MRC1: variants seen among roughly 807,000 people sequenced by gnomAD.
MRC1 encodes macrophage mannose receptor 1.
MRC1 carries 62 observed loss-of-function variants against 102.9 expected under a neutral mutation model. The ratio of observed to expected loss-of-function variants is 0.60; its 90% confidence interval spans 0.49 to 0.74. The LOEUF is 0.74. MRC1 is among the 30% of genes least tolerant of loss of function. The probability of loss-of-function intolerance (pLI) is 0.00; values close to 1 mark genes in which losing one functional copy is unlikely to be tolerated. For missense variants in MRC1, 1,237 were observed against 862.8 expected, an observed-to-expected ratio of 1.43 and a Z score of -5.43; for synonymous variants, 457 against 298.4, an observed-to-expected ratio of 1.53 and a Z score of -5.48.
At chr10:17,810,077 C>T (rs1838200164) in intron 1 of MRC1, among the ~76,000 whole-genome samples, 1 of 152,000 alleles carries the variant, frequency 6.6e-6, no homozygotes, top group Non-Finnish European at 1.5e-5. Context: ...GAAAGTTCAT[C>T]CTTATCTGTA....
intron 11 of MRC1, among the ~76,000 whole-genome samples, chr10:17,864,038 G>A (rs1201268720): frequency 6.6e-6 from 1 of 151,834 alleles, no homozygotes; most frequent in Non-Finnish European, 1.5e-5. Context: ...AGCCTCACTC[G>A]GTTGCCCAGG....
At chr10:17,822,181 A>G (rs913736409) in intron 1 of MRC1, among the ~76,000 whole-genome samples, 10 of 152,232 alleles carry the variant, frequency 6.6e-5, no homozygotes, top group African/African-American at 2.4e-4. Flanking sequence ...CCAAATTACA[A>G]ATATAAAAAA....
At chr10:17,826,830 G>A (rs888803739) in intron 2 of MRC1, among the ~76,000 whole-genome samples, 1 of 152,162 alleles carries the variant, frequency 6.6e-6, no homozygotes, top group Non-Finnish European at 1.5e-5. Context: ...ATTGTAGATG[G>A]TATATAACAG....
Position 17,813,695 on chromosome 10 carries a change from TA to T in MRC1, c.61+4170del, listed in dbSNP as rs1838261564. ...CACACACACACATTATATATATATA[TA>T]TATATTTTTTTTTTTTTTTGAGACA... On this transcript the variant is annotated intron_variant, in intron 1 of 29. Coordinates refer to ENST00000569591, the MANE Select transcript of MRC1 (RefSeq NM_002438.4). 1.9e-3 allele frequency among the ~76,000 whole-genome samples: 194 copies of T among 101,450 alleles called. 4 individuals are homozygous for T. In the South Asian group the frequency reaches 0.029, roughly 15 times the overall value. The allele number at this position is 101,450 out of a possible 152,430, so 66.6% of individuals were successfully genotyped here.
chr10:17,849,242 C>T (rs960603776), intron 6 of MRC1, among the ~76,000 whole-genome samples: 34 of 147,004 alleles, frequency 2.3e-4, no homozygotes, highest in Non-Finnish European at 4.2e-4. Context: ...GTTGAGGCTG[C>T]AATGAGACAT....
intron 4 of MRC1, among the ~76,000 whole-genome samples, chr10:17,834,696 G>C (rs1350122499): frequency 2.0e-5 from 3 of 152,198 alleles, no homozygotes; most frequent in Non-Finnish European, 4.4e-5. Flanking sequence ...TTACAGGCGT[G>C]AGCCACCGTG....
chr10:17,847,307 G>A (rs1357490778), intron 6 of MRC1, among the ~76,000 whole-genome samples: 2 of 152,110 alleles, frequency 1.3e-5, no homozygotes, highest in East Asian at 3.9e-4. Context: ...TGCCGGTGCT[G>A]GGATCCTCAT....
In MRC1 at chr10:17,863,639, C is replaced by T. The variant is rs1007978325; in HGVS notation, c.1740C>T (p.Ile580=). ...CCAAAGGGACTTTTCAGTGGACCAT[C>T]GAGGAAGAGGTTCGGTTCACCCACT... is the stretch of plus-strand genomic sequence containing the variant. The part of the protein sequence containing the change: ...IQTKGTFQWT[I]EEEVRFTHWN... Residue 580 remains isoleucine, a synonymous_variant, in exon 11 of 30, where the codon ATC becomes ATT. Coordinates refer to ENST00000569591, the MANE Select transcript of MRC1 (RefSeq NM_002438.4). 9.0e-6 allele frequency: 7 copies of T among 780,656 alleles called. No homozygotes were observed. Among genetic ancestry groups the T allele is most frequent in the African/African-American group, 5.1e-5 (3 of 59,096 alleles). The allele number at this position is 780,656 out of a possible 1,614,324, so 48.4% of individuals were successfully genotyped here.
intron 1 of MRC1, among the ~76,000 whole-genome samples, chr10:17,815,814 T>C (rs1290760920): frequency 6.9e-6 from 1 of 144,962 alleles, no homozygotes; most frequent in East Asian, 2.0e-4. Context: ...TTGTTCAACA[T>C]TTCATTTCTT....
chr10:17,858,161 A>G (rs1246245445), intron 9 of MRC1, among the ~76,000 whole-genome samples: 3 of 152,226 alleles, frequency 2.0e-5, no homozygotes, highest in Non-Finnish European at 4.4e-5. Context: ...TCTTAAATTC[A>G]TCCTCACCCT....
At chr10:17,815,062 T>A (rs2461145) in intron 1 of MRC1, among the ~76,000 whole-genome samples, 1 of 151,936 alleles carries the variant, frequency 6.6e-6, no homozygotes, top group Non-Finnish European at 1.5e-5. Flanking sequence ...TTTTGCCAAG[T>A]TAACAATAAT....
intron 6 of MRC1, among the ~76,000 whole-genome samples, chr10:17,848,834 G>A (rs1838868229): frequency 6.6e-6 from 1 of 152,116 alleles, no homozygotes; most frequent in African/African-American, 2.4e-5. Flanking sequence ...TAGTGGGTCT[G>A]TTCTGAGGCA....
intron 26 of MRC1, among the ~76,000 whole-genome samples, chr10:17,904,190 T>A (rs2130721975): frequency 6.6e-6 from 1 of 152,324 alleles, no homozygotes; most frequent in East Asian, 1.9e-4. Flanking sequence ...ACATTTAAAC[T>A]ATTTTTTATA....
intron 11 of MRC1, chr10:17,865,314 A>C (rs935888707): frequency 1.3e-5 from 2 of 152,368 alleles, no homozygotes; most frequent in South Asian, 4.1e-4. Context: ...TTTCTGAAAC[A>C]TAGCAAGATT....
chr10:17,809,694 A>G (rs1051331649), intron 1 of MRC1, among the ~76,000 whole-genome samples, 168 bp downstream of exon 1: 12 of 152,010 alleles, frequency 7.9e-5, no homozygotes, highest in Non-Finnish European at 1.2e-4. Context: ...CCTGGCGGCC[A>G]GGCATGGGAG....
intron 1 of MRC1, among the ~76,000 whole-genome samples, chr10:17,817,402 A>T (rs1041980745): frequency 1.3e-5 from 2 of 152,134 alleles, no homozygotes; most frequent in African/African-American, 2.4e-5. Flanking sequence ...ATTGGGTTGA[A>T]ACTTATTGCT....
At position 17,898,034 on chromosome 10, in the gene MRC1, A is replaced by T. The variant is rs1172625713; in HGVS notation, c.3251A>T (p.Asp1084Val). ...TAATGAAAATAATGTTTTTATCTAG[A>T]CCCTTCCTTGACTAATCCTCCAGCA... ...KRGYICQTRSDPSLTNPPATI... is the reference protein window; with the variant it reads ...KRGYICQTRSVPSLTNPPATI... Residue 1084 changes from aspartate (D) to valine (V), a missense_variant and splice_region_variant, in exon 24 of 30, where the codon GAC becomes GTC. Coordinates refer to ENST00000569591, the MANE Select transcript of MRC1 (RefSeq NM_002438.4). The T allele has an allele frequency of 1.3e-6, 1 of 780,700 alleles. No homozygotes were observed. Among genetic ancestry groups the T allele is most frequent in the African/African-American group, 1.7e-5 (1 of 59,118 alleles). The allele number at this position is 780,700 out of a possible 1,614,324, so 48.4% of individuals were successfully genotyped here.
chr10:17,887,271 A>T (rs1383572098), intron 22 of MRC1, among the ~76,000 whole-genome samples: 1 of 152,118 alleles, frequency 6.6e-6, no homozygotes. Flanking sequence ...GGCGCCTGTC[A>T]TCCCAGCTGC....
rs1312499764 is a variant in MRC1 at position 17,910,287 on chromosome 10, T to C, written c.4193T>C (p.Leu1398Pro). 6.4e-6 allele frequency: 5 copies of C among 780,776 alleles called. No individual in the cohort carries two copies. Among genetic ancestry groups the C allele is most frequent in the Non-Finnish European group, 9.6e-6 (4 of 417,972 alleles). 48.4% of individuals were successfully genotyped at this position (780,776 alleles called of 1,614,324 possible). A position where few individuals can be genotyped will look rare whatever the true frequency, so the allele number is the denominator to read the frequency against. Residue 1398 changes from leucine (L) to proline (P), a missense_variant, in exon 30 of 30, where the codon CTG becomes CCG. By Grantham distance (98) the Leu-to-Pro change is moderately conservative (BLOSUM62 -3). Coordinates refer to ENST00000569591, the MANE Select transcript of MRC1 (RefSeq NM_002438.4). ...GGAGTAGTCATCATTGTGATCCTCC[T>C]GATTTTAACGGGTGCTGGCCTTGCC... ...VAGVVIIVILLILTGAGLAAY... is the reference protein window; with the variant it reads ...VAGVVIIVILPILTGAGLAAY...
Sources: allele counts gnomAD v4.1 joint callset (sites outside exome capture counted in the v4.1 genomes callset), GRCh38; gene constraint gnomAD v4.1.1; transcripts MANE v1.5; gene names NCBI Gene and HGNC (gene_info 2026-07-23, HGNC 2026-07-21).